The following TEX26 variants were observed in gnomAD, a reference collection of about 807,000 sequenced individuals.
TEX26 encodes testis expressed 26.
A neutral mutation model predicts 35.3 loss-of-function variants in TEX26; 34 were observed. That is an observed-to-expected ratio of 0.96 (90% CI 0.73 to 1.28). The LOEUF is 1.28. Among genes scored for constraint, TEX26 ranks in the 50% most tolerant of loss-of-function variants. TEX26 has a pLI of 0.00. For missense variants in TEX26, 371 were observed against 330.1 expected, an observed-to-expected ratio of 1.12 and a Z score of -0.96; for synonymous variants, 136 against 111.8, an observed-to-expected ratio of 1.22 and a Z score of -1.36.
intron 4 of TEX26, among the ~76,000 whole-genome samples, 166 bp downstream of exon 4, chr13:30,957,195 G>T (rs1954172380): frequency 1.3e-5 from 2 of 152,158 alleles, no homozygotes; most frequent in South Asian, 4.1e-4. Flanking sequence ...GGTGCACCTT[G>T]TGGGAAATGC....
chr13:30,935,275 G>C (rs893716982), intron 1 of TEX26, among the ~76,000 whole-genome samples: 2 of 152,240 alleles, frequency 1.3e-5, no homozygotes, highest in Admixed American at 6.5e-5. Flanking sequence ...GGTGGAAGGG[G>C]CTGGGGTCCC....
At position 30,966,916 on chromosome 13, in the gene TEX26, T is replaced by G. The variant is rs987019783; in HGVS notation, c.646+518T>G. ...CCCAACCTGTAACCCAGGGAGCCAG[T>G]ACATTGCAGAAGATGACTGACTGCT... On this transcript the variant is annotated intron_variant, in intron 5 of 6. Transcript: ENST00000380473. Among the ~76,000 whole-genome samples, 5 of 152,130 alleles carry G rather than the reference T, an allele frequency of 3.3e-5. No homozygotes were observed. In the East Asian group the frequency reaches 9.6e-4, roughly 29 times the overall value.
At position 30,968,867 on chromosome 13, in the gene TEX26, C is replaced by T. The variant is rs1286448684; in HGVS notation, c.647-18C>T. On this transcript the variant is annotated intron_variant, in intron 5 of 6. Coordinates refer to ENST00000380473, the MANE Select transcript of TEX26 (RefSeq NM_152325.3). ...GGTGCCAGCCTTCCGACCTCTCCTC[C>T]CCTGTGTATTTCTATAGTGCCTTCT... The T allele has an allele frequency of 6.2e-7, 1 of 1,610,222 alleles. No homozygotes were observed. The highest frequency in any genetic ancestry group is 2.2e-5 in the East Asian group (1 of 44,858).
intron 4 of TEX26, among the ~76,000 whole-genome samples, chr13:30,963,398 G>T (rs1954421149): frequency 6.6e-6 from 1 of 152,242 alleles, no homozygotes; most frequent in South Asian, 2.1e-4. Context: ...GTGTCGCTTA[G>T]GTCCCTTTTT....
At chr13:30,974,131 A>AAAAAAATATATATATATAT in intron 6 of TEX26, among the ~76,000 whole-genome samples, 1 of 84,428 alleles carries the variant, frequency 1.2e-5, no homozygotes, top group Admixed American at 1.6e-4. Context: ...AAAAAAAAAA[A>AAAAAAATATATATATATAT]ATATATATAT....
intron 1 of TEX26, among the ~76,000 whole-genome samples, chr13:30,939,095 G>T (rs1953381186): frequency 1.3e-5 from 2 of 152,200 alleles, no homozygotes; most frequent in Non-Finnish European, 2.9e-5. Context: ...GCCCACTTTT[G>T]TGAAACAAAA....
chr13:30,951,334 C>A (rs1390824448), intron 2 of TEX26, among the ~76,000 whole-genome samples: 1 of 141,658 alleles, frequency 7.1e-6, no homozygotes, highest in Non-Finnish European at 1.5e-5. Context: ...CCAGCCTAGG[C>A]AACAGAGCAA....
At chr13:30,969,161 T>G in intron 6 of TEX26, 115 bp downstream of exon 6, 2 of 883,704 alleles carry the variant, frequency 2.3e-6, no homozygotes, top group South Asian at 2.5e-5. Flanking sequence ...ATGAAAACAT[T>G]GCCTCAAAAA....
At chr13:30,940,763 C>T (rs548770414) in intron 2 of TEX26, among the ~76,000 whole-genome samples, 2 of 151,996 alleles carry the variant, frequency 1.3e-5, no homozygotes, top group Non-Finnish European at 2.9e-5. Context: ...CATGGTGAAA[C>T]CCCTTCTCTA....
At chr13:30,959,194 A>T (rs1206376386) in intron 4 of TEX26, among the ~76,000 whole-genome samples, 1 of 152,234 alleles carries the variant, frequency 6.6e-6, no homozygotes, top group East Asian at 1.9e-4. Context: ...TTATTAAACA[A>T]ATGTATGCAT....
At chr13:30,966,435 T>A in intron 5 of TEX26, 37 bp downstream of exon 5, 22 of 326,596 alleles carry the variant, frequency 6.7e-5, no homozygotes, top group Non-Finnish European at 8.4e-5. Flanking sequence ...TTTTTCTCTT[T>A]TTTTTTTTTT....
chr13:30,940,232 C>T (rs900433454), intron 2 of TEX26, among the ~76,000 whole-genome samples: 39 of 151,910 alleles, frequency 2.6e-4, no homozygotes, highest in African/African-American at 9.4e-4. Context: ...CTTCTTACCT[C>T]CACTCCTCCA....
chr13:30,936,223 A>G (rs536672209), intron 1 of TEX26, among the ~76,000 whole-genome samples: 6 of 152,304 alleles, frequency 3.9e-5, no homozygotes, highest in Non-Finnish European at 1.5e-5. Context: ...ATAATAGAAT[A>G]TACATGTTAC....
rs192275184 is a variant in TEX26, at chr13:30,963,918, T to A, written c.470-2304T>A. The stretch of plus-strand genomic sequence containing the variant: ...CTCTATGCCGGTCCATCATTGTTCA[T>A]GTGGAACGGACGTTCCAGACTCTTC... On this transcript the variant is annotated intron_variant, in intron 4 of 6. Coordinates refer to ENST00000380473, the MANE Select transcript of TEX26 (RefSeq NM_152325.3). Among the ~76,000 whole-genome samples, 17 of 152,322 alleles carry A rather than the reference T, an allele frequency of 1.1e-4. No homozygotes were observed. The East Asian group carries it at 3.1e-3, about 28-fold the overall frequency.
intron 2 of TEX26, among the ~76,000 whole-genome samples, chr13:30,942,437 T>C (rs1435805993): frequency 1.3e-5 from 2 of 152,158 alleles, no homozygotes; most frequent in African/African-American, 2.4e-5. Flanking sequence ...AGCTTCACAG[T>C]TTGCAAATAT....
intron 2 of TEX26, among the ~76,000 whole-genome samples, chr13:30,940,321 C>T (rs1232667726): frequency 1.4e-5 from 1 of 73,768 alleles, no homozygotes; most frequent in South Asian, 4.7e-4. Context: ...ACATCAGCTG[C>T]CTTTTTTTTT....
At chr13:30,950,994 T>C (rs576484368) in intron 2 of TEX26, among the ~76,000 whole-genome samples, 2 of 152,312 alleles carry the variant, frequency 1.3e-5, no homozygotes, top group East Asian at 1.9e-4. Flanking sequence ...GGAAAGAGTA[T>C]ATTGAGAAAT....
chr13:30,967,875 C>T (rs1335467309), intron 5 of TEX26, among the ~76,000 whole-genome samples: 1 of 152,190 alleles, frequency 6.6e-6, no homozygotes, highest in South Asian at 2.1e-4. Flanking sequence ...GGACAATGAG[C>T]GATGACTGTA....
chr13:30,942,667 A>G (rs979021566), intron 2 of TEX26, among the ~76,000 whole-genome samples: 1 of 151,924 alleles, frequency 6.6e-6, no homozygotes, highest in African/African-American at 2.4e-5. Flanking sequence ...TAAGTCTTTT[A>G]TCTGTCTTGA....
Sources: allele counts gnomAD v4.1 joint callset (sites outside exome capture counted in the v4.1 genomes callset), GRCh38; gene constraint gnomAD v4.1.1; transcripts MANE v1.5; gene names NCBI Gene and HGNC (gene_info 2026-07-23, HGNC 2026-07-21).